Variants in SLC30A8 observed in about 807,000 individuals in gnomAD.
SLC30A8 encodes proton-coupled zinc antiporter SLC30A8.
In SLC30A8, 27 loss-of-function variants were observed where a neutral mutation model predicts 36.9. The ratio of observed to expected loss-of-function variants is 0.73; its 90% CI spans 0.54 to 1.01. SLC30A8 has a LOEUF of 1.01. SLC30A8 is among the 50% of genes least tolerant of loss of function. SLC30A8 has a pLI of 0.00. For missense variants in SLC30A8, 439 were observed against 452.0 expected, an observed-to-expected ratio of 0.97 and a Z score of 0.26; for synonymous variants, 164 against 172.4, an observed-to-expected ratio of 0.95 and a Z score of 0.38.
chr8:117,059,211 A>G (rs1042726560), intron 2 of SLC30A8, among the ~76,000 whole-genome samples: 2 of 152,190 alleles, frequency 1.3e-5, no homozygotes, highest in Non-Finnish European at 2.9e-5. Flanking sequence ...GAAAGAGAAA[A>G]GGACTGCTGT....
intron 6 of SLC30A8, among the ~76,000 whole-genome samples, chr8:117,165,992 T>C (rs1823036338): frequency 6.6e-6 from 1 of 151,794 alleles, no homozygotes; most frequent in East Asian, 1.9e-4. Flanking sequence ...AAGAGTAGGA[T>C]AGGGAGAGAG....
At chr8:117,137,896 T>C (rs1015609834) in intron 1 of SLC30A8, among the ~76,000 whole-genome samples, 1 of 151,678 alleles carries the variant, frequency 6.6e-6, no homozygotes, top group Admixed American at 6.6e-5. Context: ...TGCATGTGCA[T>C]ATTGGATGAC....
At chr8:117,048,059 G>T (rs978704873) in intron 2 of SLC30A8, among the ~76,000 whole-genome samples, 29 of 152,318 alleles carry the variant, frequency 1.9e-4, no homozygotes, top group African/African-American at 6.0e-4. Flanking sequence ...AGCTCTTGGG[G>T]CTGCTCTGTC....
At chr8:117,003,064 G>T (rs745865911) in intron 1 of SLC30A8, among the ~76,000 whole-genome samples, 1 of 152,188 alleles carries the variant, frequency 6.6e-6, no homozygotes, top group Non-Finnish European at 1.5e-5. Context: ...GAAATAAAGA[G>T]AAATGACAGA....
intron 1 of SLC30A8, among the ~76,000 whole-genome samples, chr8:116,955,791 A>T (rs1337985356): frequency 6.6e-6 from 1 of 152,134 alleles, no homozygotes; most frequent in Admixed American, 6.6e-5. Context: ...CAACCATCAG[A>T]AACTAGAGGA....
chr8:117,158,194 A>C (rs1452470207), intron 4 of SLC30A8, among the ~76,000 whole-genome samples: 1 of 152,192 alleles, frequency 6.6e-6, no homozygotes, highest in East Asian at 1.9e-4. Context: ...AGTAGTACAG[A>C]GCCAGGATTT....
At chr8:117,090,314 C>T (rs556865701) in intron 2 of SLC30A8, among the ~76,000 whole-genome samples, 1 of 152,150 alleles carries the variant, frequency 6.6e-6, no homozygotes, top group African/African-American at 2.4e-5. Context: ...CTCTAAGAAG[C>T]CTTTGCTTCA....
intron 5 of SLC30A8, 87 bp from the exon 6 acceptor site, chr8:117,163,338 A>G: frequency 1.0e-6 from 1 of 997,056 alleles, no homozygotes; most frequent in Non-Finnish European, 1.5e-6. Context: ...AAGGAAAGAC[A>G]CAGGGAGGTT....
At chr8:117,148,926 C>A (rs923805490) in intron 2 of SLC30A8, among the ~76,000 whole-genome samples, 1 of 152,112 alleles carries the variant, frequency 6.6e-6, no homozygotes, top group Non-Finnish European at 1.5e-5. Context: ...ATTGTCAATT[C>A]TAAATATATT....
At chr8:116,997,161 G>T (rs572641323) in intron 1 of SLC30A8, among the ~76,000 whole-genome samples, 1 of 152,212 alleles carries the variant, frequency 6.6e-6, no homozygotes, top group South Asian at 2.1e-4. Flanking sequence ...AGGGGGTGAA[G>T]CACACGATCC....
At chr8:117,163,594 G>T in intron 6 of SLC30A8, 64 bp downstream of exon 6, 1 of 1,242,768 alleles carries the variant, frequency 8.0e-7, no homozygotes, top group South Asian at 1.4e-5. Flanking sequence ...TCACAAAAGG[G>T]AATGGCTACA....
At chr8:117,136,366 A>G (rs1821358565) in intron 1 of SLC30A8, among the ~76,000 whole-genome samples, 1 of 152,002 alleles carries the variant, frequency 6.6e-6, no homozygotes, top group Non-Finnish European at 1.5e-5. Context: ...TTCAGTGAAT[A>G]TAAATGAGCT....
At position 117,074,735 on chromosome 8, in the gene SLC30A8, T is replaced by G. The variant is rs564281818; in HGVS notation, c.-226+35477T>G. On this transcript the variant is annotated intron_variant, in intron 2 of 10. Coordinates refer to the SLC30A8 transcript ENST00000427715. ...GCTCTTTCTACTGTACCATGGTTAA[T>G]GACACCACTGTATTTCTTGTCACTT... Among the ~76,000 whole-genome samples the G allele has an allele frequency of 1.2e-4, 19 of 152,338 alleles. No homozygotes were observed. In the South Asian group the frequency reaches 3.5e-3, roughly 28 times the overall value.
intron 2 of SLC30A8, among the ~76,000 whole-genome samples, chr8:117,102,351 T>TC (rs1402663683): frequency 7.9e-5 from 12 of 152,180 alleles, no homozygotes; most frequent in Middle Eastern, 3.2e-3. Context: ...AATTTATTAT[T>TC]CCATAAATTT....
intron 1 of SLC30A8, among the ~76,000 whole-genome samples, chr8:117,016,534 C>T (rs888052926): frequency 1.3e-5 from 2 of 152,172 alleles, no homozygotes; most frequent in East Asian, 1.9e-4. Context: ...TTGAAATGCA[C>T]GCTAACAGCT....
At chr8:117,071,623 TC>T (rs1554580410) in intron 2 of SLC30A8, among the ~76,000 whole-genome samples, 2 of 152,184 alleles carry the variant, frequency 1.3e-5, no homozygotes, top group Non-Finnish European at 2.9e-5. Flanking sequence ...AATCATTGCC[TC>T]AACCCATGCC....
intron 4 of SLC30A8, among the ~76,000 whole-genome samples, chr8:117,159,273 A>G (rs889839458): frequency 6.6e-6 from 1 of 152,244 alleles, no homozygotes; most frequent in South Asian, 2.1e-4. Flanking sequence ...CTGCCTATCT[A>G]TCTTGCAATA....
At chr8:117,092,998 G>T (rs1357460392) in intron 2 of SLC30A8, among the ~76,000 whole-genome samples, 1 of 152,112 alleles carries the variant, frequency 6.6e-6, no homozygotes, top group African/African-American at 2.4e-5. Flanking sequence ...GATCTAAGAT[G>T]TGGGCTACTA....
At chr8:117,127,963 T>A (rs1411238413) in intron 2 of SLC30A8, among the ~76,000 whole-genome samples, 1 of 152,086 alleles carries the variant, frequency 6.6e-6, no homozygotes, top group Non-Finnish European at 1.5e-5. Context: ...TTCTCTCTTA[T>A]ATTATAAATT....
Sources: allele counts gnomAD v4.1 joint callset (sites outside exome capture counted in the v4.1 genomes callset), GRCh38; gene constraint gnomAD v4.1.1; transcripts MANE v1.5; gene names NCBI Gene and HGNC (gene_info 2026-07-23, HGNC 2026-07-21).